The following TULP4 variants were observed in gnomAD, a reference collection of about 807,000 sequenced individuals.
TULP4 encodes TUB like protein 4.
TULP4 carries 16 observed loss-of-function variants against 129.0 expected under a neutral mutation model. The observed-to-expected ratio is 0.12, with a 90% CI of 0.08 to 0.19. The LOEUF (loss-of-function observed/expected upper bound fraction) is 0.19, where lower values mean the gene tolerates loss of function less well. Ranked by LOEUF, TULP4 falls within the 10% of genes least tolerant of loss-of-function variation. The pLI is 1.00. For synonymous variants in TULP4, 998 were observed against 854.0 expected, an observed-to-expected ratio of 1.17 and a Z score of -2.94; for missense variants, 1,842 against 2,059.1, an observed-to-expected ratio of 0.89 and a Z score of 2.04.
Position 158,503,468 on chromosome 6 carries a change from T to C in TULP4, c.3805T>C (p.Cys1269Arg), listed in dbSNP as rs1357558006. Residue 1269 changes from cysteine (C) to arginine (R), a missense_variant, in exon 13 of 14, where the codon TGC becomes CGC. Transcript: ENST00000367097. This position sits in a 1 kb window ranked among gnomAD's most constrained non-coding sequence, Gnocchi z 4.3. ...GCATCCATGGAGTTCCTACAGCGCC[T>C]GCCCGCCCATGCAGAACCCCCAGGG... is the stretch of plus-strand genomic sequence containing the variant. Reference protein sequence around the residue: ...ALHPWSSYSACPPMQNPQGTL... With the variant: ...ALHPWSSYSARPPMQNPQGTL... 1.2e-6 allele frequency: 2 copies of C among 1,613,950 alleles called. No homozygotes were observed. Among genetic ancestry groups the C allele is most frequent in the South Asian group, 1.1e-5 (1 of 91,074 alleles).
At position 158,460,683 on chromosome 6, in the gene TULP4, A is replaced by C. The variant is rs139176826; in HGVS notation, c.860-880A>C. Among the ~76,000 whole-genome samples, 3 of 152,220 alleles carry C rather than the reference A, an allele frequency of 2.0e-5. No individual in the cohort carries two copies. The East Asian group carries it at 5.8e-4, about 29-fold the overall frequency. The stretch of plus-strand genomic sequence containing the variant: ...TTTTCTAAGCCCCACAACATCATCA[A>C]ATGACAAGAGTCAGCATTCTCATAT... On this transcript the variant is annotated intron_variant, in intron 5 of 13. Transcript: ENST00000367097.
chr6:158,236,882 C>G (rs11755300), intron 1 of TULP4, among the ~76,000 whole-genome samples: 47,896 of 141,158 alleles, frequency 0.34, 8,943 homozygotes, highest in East Asian at 0.47. Context: ...GGCCCCATCT[C>G]GGCTCACTGC....
Position 158,422,501 on chromosome 6 carries a change from G to GAACA in TULP4, c.382-7234_382-7231dup, listed in dbSNP as rs570193385. Among the ~76,000 whole-genome samples, 669 of 152,328 alleles carry GAACA rather than the reference G, an allele frequency of 4.4e-3. 2 individuals carry two copies. Among genetic ancestry groups the GAACA allele is most frequent in the Non-Finnish European group, 5.2e-3 (355 of 68,032 alleles). On this transcript the variant is annotated intron_variant, in intron 2 of 13. Transcript: ENST00000367097. ...AGTGATACGGCTCCAGTGAGTGGAG[G>GAACA]AACACCAGGGTTCTTAATTCTCAGG...
intron 1 of TULP4, among the ~76,000 whole-genome samples, chr6:158,390,088 T>G (rs1308587344): frequency 6.6e-6 from 1 of 151,950 alleles, no homozygotes; most frequent in East Asian, 1.9e-4. Context: ...AAAAAAAAAT[T>G]TAAATTACGT....
At chr6:158,349,078 G>T (rs1393377156) in intron 1 of TULP4, among the ~76,000 whole-genome samples, 2 of 114,728 alleles carry the variant, frequency 1.7e-5, no homozygotes, top group Non-Finnish European at 1.8e-5. Flanking sequence ...AGGCAGAGGC[G>T]CTCCTCACTT....
chr6:158,259,372 G>T (rs1048741090), intron 1 of TULP4, among the ~76,000 whole-genome samples: 3 of 152,110 alleles, frequency 2.0e-5, no homozygotes, highest in Admixed American at 6.5e-5. Context: ...GACTTTTGAG[G>T]TTATGAAAAA....
chr6:158,500,385 A>G (rs1780417207), intron 12 of TULP4, among the ~76,000 whole-genome samples: 2 of 152,122 alleles, frequency 1.3e-5, no homozygotes, highest in African/African-American at 4.8e-5. Flanking sequence ...TTACTAGGAC[A>G]CCCCAAGGAA....
Position 158,436,646 on chromosome 6 carries a change from A to G in TULP4, c.543+6749A>G, listed in dbSNP as rs116181279. Among the ~76,000 whole-genome samples, 266 of 152,304 alleles carry G rather than the reference A, an allele frequency of 1.7e-3. 2 individuals are homozygous for G. The highest frequency in any genetic ancestry group is 6.0e-3 in the African/African-American group (248 of 41,570). ...TTTTAGTTTTCCGGGAGTAGAGGTA[A>G]TATTTCTTTATAAATACTAAACCTT... On this transcript the variant is annotated intron_variant, in intron 3 of 13. Coordinates refer to ENST00000367097, the MANE Select transcript of TULP4 (RefSeq NM_020245.5).
At chr6:158,234,463 C>G (rs1025810076) in intron 1 of TULP4, among the ~76,000 whole-genome samples, 1 of 152,200 alleles carries the variant, frequency 6.6e-6, no homozygotes, top group African/African-American at 2.4e-5. Context: ...TATCTGAATT[C>G]AGGAAGGTTT....
At chr6:158,492,693 CA>C (rs1780244088) in intron 9 of TULP4, among the ~76,000 whole-genome samples, 1 of 152,162 alleles carries the variant, frequency 6.6e-6, no homozygotes. Context: ...TTAGGGAGCT[CA>C]ATCTGCCATC....
intron 1 of TULP4, among the ~76,000 whole-genome samples, chr6:158,365,632 A>G (rs561337223): frequency 3.3e-5 from 5 of 151,416 alleles, no homozygotes; most frequent in Admixed American, 1.3e-4. Context: ...GCCCGCCACC[A>G]TGCCCAGCTA....
chr6:158,327,132 A>AT (rs2128490151), intron 1 of TULP4, among the ~76,000 whole-genome samples: 1 of 37,532 alleles, frequency 2.7e-5, no homozygotes, highest in East Asian at 1.1e-3. Context: ...GTAAGGATTC[A>AT]GTGGTTACTA....
chr6:158,474,159 G>T (rs1779759079), intron 6 of TULP4, among the ~76,000 whole-genome samples: 1 of 152,238 alleles, frequency 6.6e-6, no homozygotes, highest in Non-Finnish European at 1.5e-5. Flanking sequence ...GCACATGTTT[G>T]TACAGACATA....
rs1223586612 is a variant in TULP4 at position 158,403,815 on chromosome 6, G to A, written c.253-9250G>A. 2.0e-5 allele frequency among the ~76,000 whole-genome samples: 3 copies of A among 152,150 alleles called. No individual in the cohort carries two copies. In the East Asian group the frequency reaches 5.8e-4, roughly 29 times the overall value. The stretch of plus-strand genomic sequence containing the variant: ...GTCAGTCAGCTAGTTCAGGTTTCTA[G>A]CTAAAACAACAACAACTCTTCTCAT... On this transcript the variant is annotated intron_variant, in intron 1 of 13. Transcript: ENST00000367097.
chr6:158,327,299 T>C (rs969480683), intron 1 of TULP4, among the ~76,000 whole-genome samples: 8 of 152,228 alleles, frequency 5.3e-5, no homozygotes, highest in African/African-American at 1.9e-4. Flanking sequence ...TCTGCTTTAG[T>C]AACTTTTTTC....
chr6:158,237,444 G>A, intron 1 of TULP4: 1 of 1,564,056 alleles, frequency 6.4e-7, no homozygotes, highest in Non-Finnish European at 8.8e-7. Flanking sequence ...TACTTGTAGA[G>A]GCAGATAGTG....
chr6:158,428,138 A>G (rs1778544600), intron 2 of TULP4: 1 of 152,170 alleles, frequency 6.6e-6, no homozygotes, highest in Non-Finnish European at 1.5e-5. Flanking sequence ...AAAACGTGAA[A>G]GTTTAGTACT....
At chr6:158,443,767 T>A (rs984919322) in intron 3 of TULP4, among the ~76,000 whole-genome samples, 6 of 150,226 alleles carry the variant, frequency 4.0e-5, no homozygotes, top group Admixed American at 2.0e-4. Flanking sequence ...ATTTCATCTT[T>A]TAAAAAAAAA....
At chr6:158,395,561 A>G (rs1257026498) in intron 1 of TULP4, among the ~76,000 whole-genome samples, 3 of 150,662 alleles carry the variant, frequency 2.0e-5, no homozygotes, top group Non-Finnish European at 4.4e-5. Context: ...AGCCTGGGCA[A>G]CAAGAGCAAA....
Sources: allele counts gnomAD v4.1 joint callset (sites outside exome capture counted in the v4.1 genomes callset), GRCh38; gene constraint gnomAD v4.1.1; non-coding constraint Gnocchi (gnomAD v3.1); transcripts MANE v1.5; gene names NCBI Gene and HGNC (gene_info 2026-07-23, HGNC 2026-07-21).